The following CNOT1 variants were observed in gnomAD, a reference collection of about 807,000 sequenced individuals.
The protein encoded by CNOT1 is CCR4-NOT transcription complex subunit 1, also known as CCR4-associated factor 1.
A neutral mutation model predicts 273.8 loss-of-function variants in CNOT1; 15 were observed. The ratio of observed to expected loss-of-function variants is 0.05; its 90% CI spans 0.04 to 0.08. The LOEUF (loss-of-function observed/expected upper bound fraction) is 0.08, where lower values mean the gene tolerates loss of function less well. Among genes scored for constraint, CNOT1 ranks in the 10% least tolerant of loss-of-function variants. The pLI is 1.00. For missense variants in CNOT1, 1,644 were observed against 2,912.2 expected (o/e 0.56, Z 10.02); for synonymous variants, 1,022 against 1,005.5 (o/e 1.02, Z -0.31).
intron 16 of CNOT1, among the ~76,000 whole-genome samples, chr16:58,568,542 G>T (rs2041144951): frequency 6.6e-6 from 1 of 151,414 alleles, no homozygotes; most frequent in Admixed American, 6.6e-5. Context: ...AAATTAGCCA[G>T]GCGTGGTGGC....
chr16:58,560,110 T>C (rs965446977), intron 17 of CNOT1, 102 bp downstream of exon 17: 5 of 1,538,334 alleles, frequency 3.3e-6, no homozygotes, highest in African/African-American at 1.4e-5. Flanking sequence ...CATGCAGTTA[T>C]CTAAAATGTA....
chr16:58,560,406 C>A, intron 16 of CNOT1, 44 bp from the exon 17 acceptor site: 3 of 1,590,054 alleles, frequency 1.9e-6, no homozygotes, highest in Non-Finnish European at 2.6e-6. Context: ...TTCCTATTCT[C>A]TAGCACATGT....
At chr16:58,583,784 C>T (rs1373418977) in intron 8 of CNOT1, among the ~76,000 whole-genome samples, 5 of 152,086 alleles carry the variant, frequency 3.3e-5, no homozygotes, top group African/African-American at 1.2e-4. Context: ...AGTGATCCAC[C>T]CACCTCAGCC....
intron 16 of CNOT1, among the ~76,000 whole-genome samples, chr16:58,562,651 G>T (rs1427984000): frequency 1.3e-5 from 2 of 151,344 alleles, no homozygotes; most frequent in Admixed American, 6.6e-5. Flanking sequence ...GTGAAATCCC[G>T]TCTCTACTAA....
At chr16:58,577,845 CAAAA>C (rs34127478) in intron 13 of CNOT1, among the ~76,000 whole-genome samples, 1 of 106,404 alleles carries the variant, frequency 9.4e-6, no homozygotes. Context: ...TCCTCTCTCT[CAAAA>C]AAAAAAAAAA....
chr16:58,551,678 T>G lies in CNOT1; in HGVS notation c.3112A>C (p.Thr1038Pro). 1 of 1,614,222 alleles carries G rather than the reference T, an allele frequency of 6.2e-7. No homozygotes were observed. Among genetic ancestry groups the G allele is most frequent in the East Asian group, 2.2e-5 (1 of 44,888 alleles). ...GTAGTTGTTGAGGTGGTTACCATAG[T>G]GCTAACTTGACCAGCAAGAGGAGCT... ...AKAPLAGQVS[T>P]MVTTSTTTTV... is the part of the protein sequence containing the mutation. Residue 1038 changes from threonine to proline, a missense_variant, in exon 23 of 49, where the codon ACT becomes CCT. This residue lies in a region of CNOT1 where 77 missense variants were observed against 90.5 expected (regional missense o/e 0.85). Transcript: ENST00000317147.
chr16:58,574,831 T>C, intron 15 of CNOT1, 71 bp from the exon 16 acceptor site: 1 of 1,570,696 alleles, frequency 6.4e-7, no homozygotes, highest in Non-Finnish European at 8.6e-7. Context: ...AGATAACTAC[T>C]AAGCACTATA....
At chr16:58,627,906 C>T (rs1018446519) in intron 1 of CNOT1, among the ~76,000 whole-genome samples, 7 of 152,202 alleles carry the variant, frequency 4.6e-5, no homozygotes, top group Admixed American at 6.5e-5. Context: ...CGGCTCACTG[C>T]AACCTCCGCC....
intron 13 of CNOT1, 104 bp from the exon 14 acceptor site, chr16:58,576,686 T>C: frequency 6.6e-7 from 1 of 1,514,972 alleles, no homozygotes. Context: ...AAAAATCAGG[T>C]ATACCTGTGC....
intron 1 of CNOT1, among the ~76,000 whole-genome samples, chr16:58,628,470 C>T (rs1390535878): frequency 6.6e-6 from 1 of 152,062 alleles, no homozygotes; most frequent in African/African-American, 2.4e-5. Flanking sequence ...GACCTTCCTC[C>T]TAATATTTTA....
chr16:58,548,370 C>T, intron 25 of CNOT1: 1 of 420,378 alleles, frequency 2.4e-6, no homozygotes, highest in Admixed American at 2.8e-5. Context: ...CTCTGTGGTA[C>T]CTCTTGACTT....
At chr16:58,582,014 T>C (rs2041674346) in intron 10 of CNOT1, among the ~76,000 whole-genome samples, 1 of 151,238 alleles carries the variant, frequency 6.6e-6, no homozygotes, top group South Asian at 2.1e-4. Flanking sequence ...CCAGGTGCAG[T>C]GGCTTATGCC....
intron 1 of CNOT1, among the ~76,000 whole-genome samples, chr16:58,619,400 T>G (rs2043219218): frequency 6.6e-6 from 1 of 151,894 alleles, no homozygotes; most frequent in Admixed American, 6.6e-5. Context: ...AAAGAGCATC[T>G]TTTGGTCACA....
At chr16:58,594,976 A>G (rs1213693577) in intron 2 of CNOT1, among the ~76,000 whole-genome samples, 1 of 151,526 alleles carries the variant, frequency 6.6e-6, no homozygotes, top group East Asian at 2.0e-4. Flanking sequence ...TTACCCGGGC[A>G]TGGTGGCAGG....
At chr16:58,622,479 A>T (rs2043385973) in intron 1 of CNOT1, among the ~76,000 whole-genome samples, 1 of 152,100 alleles carries the variant, frequency 6.6e-6, no homozygotes, top group Non-Finnish European at 1.5e-5. Context: ...ATTAAGAAAA[A>T]AACGCAAAAC....
chr16:58,524,750 A>C (rs1197339647), intron 46 of CNOT1, among the ~76,000 whole-genome samples: 1 of 152,178 alleles, frequency 6.6e-6, no homozygotes, highest in Middle Eastern at 3.2e-3. Flanking sequence ...AACAGGAGTT[A>C]TACTGTGAGC....
At chr16:58,586,773 CG>C in intron 6 of CNOT1, 25 bp from the exon 7 acceptor site, 1 of 1,609,014 alleles carries the variant, frequency 6.2e-7, no homozygotes, top group Non-Finnish European at 8.5e-7. Flanking sequence ...AACCAAAAAC[CG>C]CAAGTTACTT....
At chr16:58,608,550 T>C (rs1307276303) in intron 1 of CNOT1, among the ~76,000 whole-genome samples, 1 of 74,624 alleles carries the variant, frequency 1.3e-5, no homozygotes, top group African/African-American at 6.6e-5. Flanking sequence ...TGAGACTCTG[T>C]CTCAAAAAAA....
chr16:58,524,902 CTTTAAG>C (rs979901461), intron 46 of CNOT1, among the ~76,000 whole-genome samples: 8 of 152,284 alleles, frequency 5.3e-5, no homozygotes, highest in South Asian at 2.1e-4. Context: ...TTTAAAGGGA[CTTTAAG>C]TTTATTTTCA....
Sources: gnomAD v4.1 joint callset for allele counts (sites outside exome capture counted in the v4.1 genomes callset) on GRCh38, gnomAD v4.1.1 for gene constraint, gnomAD v4.1.1 regional missense constraint, MANE v1.5 for transcripts, NCBI Gene and HGNC (gene_info 2026-07-23, HGNC 2026-07-21) for gene names.